The following TMEM132D variants were observed in gnomAD, a reference collection of about 807,000 sequenced individuals.
TMEM132D encodes transmembrane protein 132D, also known as mature OL transmembrane protein.
Under a neutral mutation model 62.3 loss-of-function variants are expected in TMEM132D, and 21 were observed. The observed-to-expected ratio is 0.34, with a 90% CI of 0.24 to 0.49. TMEM132D has a LOEUF of 0.49. Among genes scored for constraint, TMEM132D ranks in the 20% least tolerant of loss-of-function variants. The probability of loss-of-function intolerance (pLI) is 0.99; values close to 1 mark genes in which losing one functional copy is unlikely to be tolerated. For synonymous variants in TMEM132D, 621 were observed against 575.6 expected (o/e 1.08, Z -1.13); for missense variants, 1,346 against 1,402.8 (o/e 0.96, Z 0.65).
chr12:129,265,079 A>G (rs1343315738), intron 4 of TMEM132D, among the ~76,000 whole-genome samples: 2 of 152,136 alleles, frequency 1.3e-5, no homozygotes, highest in Admixed American at 1.3e-4. Flanking sequence ...AAATCCTCCA[A>G]AACAAAACTT....
chr12:129,602,386 A>G (rs1878503807), intron 2 of TMEM132D, among the ~76,000 whole-genome samples: 1 of 152,182 alleles, frequency 6.6e-6, no homozygotes, highest in African/African-American at 2.4e-5. Context: ...AAGCAGATAG[A>G]AATGTTGCCT....
At chr12:129,076,872 G>A (rs1480451698) in intron 8 of TMEM132D, among the ~76,000 whole-genome samples, 1 of 152,156 alleles carries the variant, frequency 6.6e-6, no homozygotes, top group East Asian at 1.9e-4. Context: ...CCTAGCTGGT[G>A]GTCCGCTGAT....
At chr12:129,764,165 T>A (rs1870474426) in intron 1 of TMEM132D, among the ~76,000 whole-genome samples, 1 of 152,204 alleles carries the variant, frequency 6.6e-6, no homozygotes. Context: ...GTAACAACAT[T>A]GCTGCTTTTA....
At chr12:129,191,451 G>GCAAACTATATATAT (rs1565992911) in intron 5 of TMEM132D, among the ~76,000 whole-genome samples, 4 of 145,798 alleles carry the variant, frequency 2.7e-5, no homozygotes, top group African/African-American at 1.1e-4. Flanking sequence ...TTTCTATGGA[G>GCAAACTATATATAT]GAAACTATAT....
At chr12:129,770,698 G>A (rs544604500) in intron 1 of TMEM132D, among the ~76,000 whole-genome samples, 5 of 152,262 alleles carry the variant, frequency 3.3e-5, no homozygotes, top group Admixed American at 6.5e-5. Flanking sequence ...CTTGCCTTAC[G>A]CAAGCTCAGA....
At chr12:129,829,161 T>C (rs1395425678) in intron 1 of TMEM132D, among the ~76,000 whole-genome samples, 1 of 152,114 alleles carries the variant, frequency 6.6e-6, no homozygotes, top group Non-Finnish European at 1.5e-5. Flanking sequence ...AGCTGATATG[T>C]TATTCCTATA....
chr12:129,680,561 C>T (rs1861344192), intron 2 of TMEM132D, among the ~76,000 whole-genome samples: 2 of 152,080 alleles, frequency 1.3e-5, no homozygotes, highest in African/African-American at 4.8e-5. Context: ...ATGACAAGCC[C>T]AGTGATTGTC....
At chr12:129,429,483 G>A (rs1872591759) in intron 3 of TMEM132D, among the ~76,000 whole-genome samples, 1 of 152,064 alleles carries the variant, frequency 6.6e-6, no homozygotes, top group Admixed American at 6.6e-5. Flanking sequence ...TGGTGCCTTG[G>A]CTTCCACAAG....
At chr12:129,382,606 G>A (rs1375696917) in intron 3 of TMEM132D, among the ~76,000 whole-genome samples, 2 of 152,112 alleles carry the variant, frequency 1.3e-5, no homozygotes, top group Admixed American at 6.5e-5. Context: ...CAAGTGAACC[G>A]GCCAAAGAGG....
In TMEM132D at chr12:129,448,029, C is replaced by T. The variant is rs139545024; in HGVS notation, c.1115+83030G>A. Among the ~76,000 whole-genome samples the T allele has an allele frequency of 8.0e-3, 1,225 of 152,238 alleles. 12 individuals are homozygous for T. The highest frequency in any genetic ancestry group is 0.026 in the African/African-American group (1,096 of 41,520). ...CGTCTGTGGCGTTTTCAGCGTAGTGCTTGGCTTCGTAGATGCTCAGGAAGT... is the reference window on the plus strand; with the variant it reads ...CGTCTGTGGCGTTTTCAGCGTAGTGTTTGGCTTCGTAGATGCTCAGGAAGT... On this transcript the variant is annotated intron_variant, in intron 3 of 8. Transcript: ENST00000422113.
intron 4 of TMEM132D, chr12:129,262,293 T>A (rs1437063008): frequency 6.6e-6 from 1 of 152,232 alleles, no homozygotes; most frequent in Non-Finnish European, 1.5e-5. Flanking sequence ...ATTTGCTAAT[T>A]ATTCTTCCCT....
chr12:129,422,095 TAA>T (rs10633587), intron 3 of TMEM132D, among the ~76,000 whole-genome samples: 9 of 139,510 alleles, frequency 6.5e-5, no homozygotes, highest in African/African-American at 8.1e-5. Flanking sequence ...ACAGCAATGT[TAA>T]AAAAAAAAAA....
chr12:129,773,158 C>T (rs1378033959), intron 1 of TMEM132D, among the ~76,000 whole-genome samples: 3 of 152,292 alleles, frequency 2.0e-5, no homozygotes, highest in South Asian at 2.1e-4. Flanking sequence ...TTCATGCTGA[C>T]GAAATAATTT....
At chr12:129,086,303 G>T (rs1461297962) in intron 5 of TMEM132D, among the ~76,000 whole-genome samples, 3 of 152,142 alleles carry the variant, frequency 2.0e-5, no homozygotes, top group African/African-American at 4.8e-5. Context: ...CATGGATATA[G>T]TGCACAGTGG....
chr12:129,538,418 T>G (rs907034904), intron 2 of TMEM132D, among the ~76,000 whole-genome samples: 1 of 152,160 alleles, frequency 6.6e-6, no homozygotes, highest in Non-Finnish European at 1.5e-5. Context: ...CCTCATACAG[T>G]GGAGCAGTGT....
intron 4 of TMEM132D, among the ~76,000 whole-genome samples, chr12:129,238,996 G>GGTTTTTTTTTTTTTTTTTTTT (rs374959544): frequency 1.5e-5 from 2 of 133,046 alleles, no homozygotes. Context: ...GTTATTTTCT[G>GGTTTTTTTTTTTTTTTTTTTT]TTTTTTTTTT....
chr12:129,355,207 T>C (rs1870001251), intron 3 of TMEM132D, among the ~76,000 whole-genome samples: 1 of 152,204 alleles, frequency 6.6e-6, no homozygotes, highest in Non-Finnish European at 1.5e-5. Flanking sequence ...TACGACAATG[T>C]AGACACTGAC....
chr12:129,176,739 A>G (rs1279363090), intron 5 of TMEM132D, among the ~76,000 whole-genome samples: 2 of 152,234 alleles, frequency 1.3e-5, no homozygotes, highest in African/African-American at 2.4e-5. Flanking sequence ...AGGGCAGCCA[A>G]CGAGAGCAGG....
intron 4 of TMEM132D, among the ~76,000 whole-genome samples, chr12:129,287,035 G>A (rs764570674): frequency 1.1e-3 from 157 of 146,266 alleles, no homozygotes; most frequent in Non-Finnish European, 1.9e-3. Flanking sequence ...GCAACAGAGT[G>A]AGACTCTGTC....
Sources: allele counts gnomAD v4.1 joint callset (sites outside exome capture counted in the v4.1 genomes callset), GRCh38; gene constraint gnomAD v4.1.1; transcripts MANE v1.5; gene names NCBI Gene and HGNC (gene_info 2026-07-23, HGNC 2026-07-21).